Variants in DNM3 observed in about 807,000 individuals in gnomAD.
The protein encoded by DNM3 is dynamin 3.
A neutral mutation model predicts 101.6 loss-of-function variants in DNM3; 47 were observed. That is an observed-to-expected ratio of 0.46 (90% CI 0.37 to 0.59). The LOEUF (loss-of-function observed/expected upper bound fraction) is 0.59, where lower values mean the gene tolerates loss of function less well. DNM3 is among the 20% of genes least tolerant of loss of function. The pLI is 0.00. For synonymous variants in DNM3, 385 were observed against 387.9 expected, an observed-to-expected ratio of 0.99 and a Z score of 0.09; for missense variants, 849 against 1,085.7, an observed-to-expected ratio of 0.78 and a Z score of 3.06.
At chr1:172,094,488 A>G (rs1309379060) in intron 13 of DNM3, among the ~76,000 whole-genome samples, 2 of 152,150 alleles carry the variant, frequency 1.3e-5, no homozygotes, top group Non-Finnish European at 2.9e-5. Flanking sequence ...AGACCTAGAC[A>G]TTCCTGGGTT....
chr1:172,286,124 C>T (rs1573299142), intron 15 of DNM3, among the ~76,000 whole-genome samples: 1 of 151,570 alleles, frequency 6.6e-6, no homozygotes, highest in East Asian at 1.9e-4. Flanking sequence ...TGAAAGATCC[C>T]ACACAGAGTA....
intron 16 of DNM3, among the ~76,000 whole-genome samples, chr1:172,311,917 G>A (rs1247494480): frequency 1.3e-5 from 2 of 152,192 alleles, no homozygotes; most frequent in East Asian, 1.9e-4. Context: ...AGCAGTGTGC[G>A]ATGATATTGC....
At chr1:171,876,318 T>C (rs1185369000) in intron 1 of DNM3, among the ~76,000 whole-genome samples, 1 of 152,134 alleles carries the variant, frequency 6.6e-6, no homozygotes, top group East Asian at 1.9e-4. Context: ...AAGCTTGAAA[T>C]TTTCCAAATA....
chr1:172,207,278 C>T (rs143503412), intron 14 of DNM3, among the ~76,000 whole-genome samples: 1 of 152,120 alleles, frequency 6.6e-6, no homozygotes, highest in Non-Finnish European at 1.5e-5. Flanking sequence ...GCAGATAGCA[C>T]CAAAAAAGCT....
chr1:172,121,075 A>G (rs985823811), intron 13 of DNM3, among the ~76,000 whole-genome samples: 5 of 152,070 alleles, frequency 3.3e-5, no homozygotes, highest in African/African-American at 1.2e-4. Context: ...TCATGTGTGC[A>G]TATTTTTGTC....
chr1:172,057,248 G>C (rs1275307603), intron 10 of DNM3, among the ~76,000 whole-genome samples: 1 of 152,170 alleles, frequency 6.6e-6, no homozygotes, highest in Non-Finnish European at 1.5e-5. Flanking sequence ...GGGGAGAATG[G>C]AACCAAGTTG....
At chr1:171,880,575 T>C (rs1338421543) in intron 1 of DNM3, among the ~76,000 whole-genome samples, 4 of 152,222 alleles carry the variant, frequency 2.6e-5, no homozygotes, top group Admixed American at 6.5e-5. Flanking sequence ...TAGCATACTC[T>C]GGAATGTTCT....
At chr1:171,988,074 T>C (rs1254975761) in intron 3 of DNM3, among the ~76,000 whole-genome samples, 1 of 152,178 alleles carries the variant, frequency 6.6e-6, no homozygotes, top group Non-Finnish European at 1.5e-5. Context: ...AGGGTATATA[T>C]GAAAACTTCC....
At chr1:172,145,442 T>C (rs2057840451) in intron 14 of DNM3, among the ~76,000 whole-genome samples, 1 of 146,188 alleles carries the variant, frequency 6.8e-6, no homozygotes, top group Non-Finnish European at 1.5e-5. Flanking sequence ...CTCCTTCTCC[T>C]GTCTGTTGAA....
intron 4 of DNM3, among the ~76,000 whole-genome samples, chr1:172,008,878 ATATAT>A (rs2046891765): frequency 1.4e-5 from 2 of 139,204 alleles, no homozygotes; most frequent in African/African-American, 2.6e-5. Context: ...AATAATATTA[ATATAT>A]TATATTAAAA....
At chr1:172,270,884 G>C (rs1446056467) in intron 15 of DNM3, among the ~76,000 whole-genome samples, 2 of 152,012 alleles carry the variant, frequency 1.3e-5, no homozygotes, top group African/African-American at 4.8e-5. Flanking sequence ...GAGTAGTTTT[G>C]ACTATTCAAA....
chr1:171,986,080 C>T (rs925033870), intron 2 of DNM3, among the ~76,000 whole-genome samples: 2 of 152,068 alleles, frequency 1.3e-5, no homozygotes, highest in African/African-American at 2.4e-5. Flanking sequence ...TGGATGGGTC[C>T]GAGCAGAGAC....
At chr1:172,125,112 G>A (rs994076454) in intron 13 of DNM3, among the ~76,000 whole-genome samples, 40 of 152,234 alleles carry the variant, frequency 2.6e-4, no homozygotes, top group African/African-American at 9.6e-4. Context: ...CTTTATAGAA[G>A]CAGCTGCTTA....
intron 2 of DNM3, among the ~76,000 whole-genome samples, chr1:171,980,445 T>C (rs527885479): frequency 6.6e-6 from 1 of 152,296 alleles, no homozygotes; most frequent in South Asian, 2.1e-4. Flanking sequence ...TAGCATTTCT[T>C]AGTGTTGGGA....
intron 15 of DNM3, among the ~76,000 whole-genome samples, chr1:172,271,244 A>G (rs901915413): frequency 1.1e-4 from 16 of 152,130 alleles, no homozygotes; most frequent in Admixed American, 9.8e-4. Flanking sequence ...TGCTAAAATC[A>G]TAGCTTCTCC....
intron 2 of DNM3, among the ~76,000 whole-genome samples, chr1:171,950,887 G>A (rs1163807287): frequency 1.3e-5 from 2 of 152,000 alleles, no homozygotes; most frequent in Admixed American, 6.6e-5. Context: ...ATGCCATATC[G>A]CTCTAATTTT....
At chr1:172,265,988 C>A (rs1179266159) in intron 15 of DNM3, among the ~76,000 whole-genome samples, 1 of 152,170 alleles carries the variant, frequency 6.6e-6, no homozygotes. Flanking sequence ...ACCTCCTCCC[C>A]CTTTTCCTAT....
At chr1:172,303,013 G>C (rs766854817) in intron 15 of DNM3, among the ~76,000 whole-genome samples, 3 of 152,112 alleles carry the variant, frequency 2.0e-5, no homozygotes, top group Non-Finnish European at 4.4e-5. Context: ...ATGGAATAAA[G>C]CTGGATGGAG....
intron 17 of DNM3, among the ~76,000 whole-genome samples, chr1:172,337,891 ATTT>A (rs1414996457): frequency 7.5e-6 from 1 of 133,932 alleles, no homozygotes; most frequent in African/African-American, 2.8e-5. Context: ...ATTTTATTTT[ATTT>A]TATTTTATTT....
Sources: gnomAD v4.1 joint callset for allele counts (sites outside exome capture counted in the v4.1 genomes callset) on GRCh38, gnomAD v4.1.1 for gene constraint, MANE v1.5 for transcripts, NCBI Gene and HGNC (gene_info 2026-07-23, HGNC 2026-07-21) for gene names.